CRLF2: variants seen among roughly 807,000 people sequenced by gnomAD.
The protein encoded by CRLF2 is cytokine receptor-like factor 2.
In CRLF2, 41 loss-of-function variants were observed where a neutral mutation model predicts 38.7. That is an observed-to-expected ratio of 1.06 (90% CI 0.83 to 1.37). CRLF2 has a LOEUF of 1.37. CRLF2 is among the 40% of genes most tolerant of loss of function. CRLF2 has a pLI of 0.00. For missense variants in CRLF2, 377 were observed against 322.2 expected (o/e 1.17, Z -1.30); for synonymous variants, 140 against 128.8 (o/e 1.09, Z -0.59).
chrX:1,206,635 C>G (rs1569472150), intron 2 of CRLF2, 36 bp from the exon 3 acceptor site: 1 of 1,594,322 alleles, frequency 6.3e-7, no homozygotes, highest in Non-Finnish European at 8.6e-7. Context: ...AGCAACAAAA[C>G]AAAAAAGCAT....
chrX:1,201,266 G>C (rs1460153778), intron 4 of CRLF2, among the ~76,000 whole-genome samples: 13 of 149,992 alleles, frequency 8.7e-5, no homozygotes, highest in African/African-American at 3.3e-4. Context: ...GCACATGACT[G>C]TGTGTGTGTG....
At chrX:1,191,851 C>A (rs1175689474) in intron 7 of CRLF2, among the ~76,000 whole-genome samples, 6 of 151,890 alleles carry the variant, frequency 4.0e-5, no homozygotes, top group African/African-American at 9.7e-5. Context: ...AAATTCTAAG[C>A]CCTCCAACAG....
chrX:1,197,071 A>T, intron 5 of CRLF2, among the ~76,000 whole-genome samples, 171 bp from the exon 6 acceptor site: 1 of 139,246 alleles, frequency 7.2e-6, no homozygotes, highest in Admixed American at 7.2e-5. Flanking sequence ...TTTTGTAAAT[A>T]TTCGTGTCAG....
chrX:1,195,826 A>G (rs1303846138), intron 6 of CRLF2, among the ~76,000 whole-genome samples: 4 of 140,362 alleles, frequency 2.8e-5, no homozygotes, highest in Non-Finnish European at 4.6e-5. Context: ...TATATATATT[A>G]TATATTAAAT....
chrX:1,207,376 C>A (rs1283049123), intron 2 of CRLF2, among the ~76,000 whole-genome samples: 1 of 152,174 alleles, frequency 6.6e-6, no homozygotes, highest in Middle Eastern at 3.4e-3. Flanking sequence ...CTGCCTCAGC[C>A]TCCCAAGTTG....
chrX:1,210,126 G>A (rs113491446), intron 1 of CRLF2, among the ~76,000 whole-genome samples: 8,828 of 67,686 alleles, frequency 0.13, 790 homozygotes, highest in African/African-American at 0.29. Flanking sequence ...GAAAAGAAAA[G>A]AAAAGAAAAG....
intron 4 of CRLF2, among the ~76,000 whole-genome samples, chrX:1,201,164 A>G (rs1394487353): frequency 6.6e-6 from 1 of 152,132 alleles, no homozygotes; most frequent in Non-Finnish European, 1.5e-5. Context: ...AGAAGAAAAT[A>G]ATTGGGACAG....
At chrX:1,194,082 G>A (rs2086439694) in intron 6 of CRLF2, among the ~76,000 whole-genome samples, 1 of 148,564 alleles carries the variant, frequency 6.7e-6, no homozygotes, top group South Asian at 2.2e-4. Flanking sequence ...CTGAGATTGT[G>A]CCACTGCTCT....
At chrX:1,195,709 C>T (rs1164231074) in intron 6 of CRLF2, among the ~76,000 whole-genome samples, 11 of 147,992 alleles carry the variant, frequency 7.4e-5, no homozygotes, top group Non-Finnish European at 1.3e-4. Context: ...TCCGGAGCAG[C>T]TGGGACTACA....
chrX:1,195,729 T>A (rs1481432025), intron 6 of CRLF2, among the ~76,000 whole-genome samples: 2 of 140,870 alleles, frequency 1.4e-5, no homozygotes, highest in South Asian at 4.3e-4. Flanking sequence ...AGGTGCTAAT[T>A]TTTATATTTT....
intron 4 of CRLF2, among the ~76,000 whole-genome samples, chrX:1,199,906 T>A (rs1242681383): frequency 7.3e-6 from 1 of 137,442 alleles, no homozygotes; most frequent in Non-Finnish European, 1.6e-5. Context: ...TGTGTGTATA[T>A]ATGTGTATAT....
intron 6 of CRLF2, among the ~76,000 whole-genome samples, chrX:1,193,835 C>T (rs2086436007): frequency 6.7e-6 from 1 of 148,280 alleles, no homozygotes; most frequent in Non-Finnish European, 1.5e-5. Flanking sequence ...GTGGCGGATG[C>T]CTGTAATCCC....
In CRLF2 at chrX:1,199,944, T is replaced by C. The variant is rs145162998; in HGVS notation, c.484-1220A>G. Among the ~76,000 whole-genome samples, 251 of 151,816 alleles carry C rather than the reference T, an allele frequency of 1.7e-3. 6 individuals carry two copies. The East Asian group carries it at 0.036, about 22-fold the overall frequency. On this transcript the variant is annotated intron_variant, in intron 4 of 7. Coordinates refer to ENST00000400841, the MANE Select transcript of CRLF2 (RefSeq NM_022148.4). ...AAGCTGTGTATGTAAGGTGTGTATA[T>C]ATGTGTATATATAAGCTGTGTATAT...
chrX:1,194,674 G>C (rs2086447371), intron 6 of CRLF2, among the ~76,000 whole-genome samples: 2 of 152,018 alleles, frequency 1.3e-5, no homozygotes, highest in African/African-American at 4.8e-5. Context: ...CTCTAAAAAG[G>C]TGATGATAGT....
intron 7 of CRLF2, among the ~76,000 whole-genome samples, chrX:1,192,330 A>G (rs2086399333): frequency 6.6e-6 from 1 of 151,308 alleles, no homozygotes; most frequent in Non-Finnish European, 1.5e-5. Context: ...AAATCAACAC[A>G]TAGGACACAA....
chrX:1,210,111 AAAAAGAAAAG>A (rs775032742), intron 1 of CRLF2, among the ~76,000 whole-genome samples: 5,180 of 107,792 alleles, frequency 0.048, 298 homozygotes, highest in African/African-American at 0.14. Flanking sequence ...ATCAAAAAAA[AAAAAGAAAAG>A]AAAAGAAAAG....
intron 7 of CRLF2, among the ~76,000 whole-genome samples, chrX:1,191,932 G>C (rs1391312287): frequency 8.6e-5 from 13 of 151,814 alleles, no homozygotes; most frequent in South Asian, 8.4e-4. Flanking sequence ...CCAGCCGGCC[G>C]CAGTGGCTTA....
intron 4 of CRLF2, among the ~76,000 whole-genome samples, chrX:1,200,035 GTGTGTGTATATA>G (rs1466937776): frequency 1.4e-5 from 2 of 147,088 alleles, no homozygotes. Context: ...CTGTATATAT[GTGTGTGTATATA>G]TGTGTGTATA....
chrX:1,197,013 G>GT (rs1483415868), intron 5 of CRLF2, 113 bp from the exon 6 acceptor site: 3,054 of 796,912 alleles, frequency 3.8e-3, no homozygotes, highest in South Asian at 5.0e-3. Context: ...TTTGGTGTTC[G>GT]TTTTTTTTTC....
Sources: gnomAD v4.1 joint callset for allele counts (sites outside exome capture counted in the v4.1 genomes callset) on GRCh38, gnomAD v4.1.1 for gene constraint, MANE v1.5 for transcripts, NCBI Gene and HGNC (gene_info 2026-07-23, HGNC 2026-07-21) for gene names.